The following ANKS1B variants were observed in gnomAD, a reference collection of about 807,000 sequenced individuals.
ANKS1B encodes the protein ankyrin repeat and sterile alpha motif domain-containing protein 1B.
ANKS1B carries 36 observed loss-of-function variants against 148.3 expected under a neutral mutation model. The observed-to-expected ratio is 0.24, with a 90% CI of 0.19 to 0.32. ANKS1B has a LOEUF of 0.32. Ranked by LOEUF, ANKS1B falls within the 10% of genes least tolerant of loss-of-function variation. ANKS1B has a pLI of 1.00. For missense variants in ANKS1B, 1,157 were observed against 1,542.6 expected, an observed-to-expected ratio of 0.75 and a Z score of 4.19; for synonymous variants, 542 against 560.8, an observed-to-expected ratio of 0.97 and a Z score of 0.47.
chr12:99,468,671 C>CA (rs2096180515), intron 10 of ANKS1B, among the ~76,000 whole-genome samples: 1 of 151,994 alleles, frequency 6.6e-6, no homozygotes, highest in African/African-American at 2.4e-5. Flanking sequence ...TTTATGCAGC[C>CA]AAAAAACACA....
At chr12:99,180,008 C>G (rs1418164868) in intron 14 of ANKS1B, among the ~76,000 whole-genome samples, 1 of 151,884 alleles carries the variant, frequency 6.6e-6, no homozygotes, top group African/African-American at 2.4e-5. Context: ...AGAATGCTTC[C>G]TTCTATTTAT....
chr12:99,525,344 A>G (rs1320424283), intron 9 of ANKS1B, among the ~76,000 whole-genome samples: 1 of 152,184 alleles, frequency 6.6e-6, no homozygotes, highest in African/African-American at 2.4e-5. Flanking sequence ...GTTTCCCTCC[A>G]ACTCCAACTT....
chr12:98,867,656 C>A (rs2099631672), intron 17 of ANKS1B, among the ~76,000 whole-genome samples: 1 of 151,842 alleles, frequency 6.6e-6, no homozygotes, highest in Non-Finnish European at 1.5e-5. Flanking sequence ...ATCAGGAGAT[C>A]AAGACCATCC....
intron 14 of ANKS1B, among the ~76,000 whole-genome samples, chr12:99,166,811 C>A (rs912933879): frequency 1.3e-5 from 2 of 151,902 alleles, no homozygotes; most frequent in Non-Finnish European, 2.9e-5. Context: ...ACCAAAACAA[C>A]TTCGAAAAAA....
At chr12:99,065,453 A>G (rs2043806952) in intron 16 of ANKS1B, among the ~76,000 whole-genome samples, 1 of 152,252 alleles carries the variant, frequency 6.6e-6, no homozygotes, top group South Asian at 2.1e-4. Context: ...AACCAGAATT[A>G]GCAGTACACA....
chr12:99,552,916 C>A (rs2097236297), intron 9 of ANKS1B, among the ~76,000 whole-genome samples: 1 of 152,132 alleles, frequency 6.6e-6, no homozygotes, highest in African/African-American at 2.4e-5. Flanking sequence ...AGAAAAAAGT[C>A]TGTACATGTT....
intron 14 of ANKS1B, among the ~76,000 whole-genome samples, chr12:99,220,675 C>T (rs1039331223): frequency 2.6e-5 from 4 of 151,874 alleles, no homozygotes; most frequent in African/African-American, 7.2e-5. Context: ...TCTGGATCTC[C>T]TGACCTTGTG....
chr12:99,966,214 T>A (rs1377409838), intron 1 of ANKS1B, among the ~76,000 whole-genome samples: 2 of 152,174 alleles, frequency 1.3e-5, no homozygotes, highest in African/African-American at 4.8e-5. Flanking sequence ...CAAAGTTAAT[T>A]TTCTTATTTT....
At chr12:99,736,951 C>T (rs966665488) in intron 8 of ANKS1B, among the ~76,000 whole-genome samples, 1 of 152,056 alleles carries the variant, frequency 6.6e-6, no homozygotes, top group Non-Finnish European at 1.5e-5. Context: ...ATGTCAACAT[C>T]ACTAATCATC....
chr12:99,265,802 A>G (rs1483315388), intron 12 of ANKS1B, among the ~76,000 whole-genome samples: 1 of 152,028 alleles, frequency 6.6e-6, no homozygotes, highest in Non-Finnish European at 1.5e-5. Context: ...GCCCCCATGT[A>G]TTTCTTTACT....
chr12:98,958,692 T>C (rs991464808), intron 17 of ANKS1B, among the ~76,000 whole-genome samples: 9 of 152,238 alleles, frequency 5.9e-5, no homozygotes, highest in Non-Finnish European at 1.3e-4. Flanking sequence ...ATCATTTGAA[T>C]ATATTAATAA....
chr12:99,111,537 T>C (rs191946510), intron 15 of ANKS1B, among the ~76,000 whole-genome samples: 179 of 149,602 alleles, frequency 1.2e-3, no homozygotes, highest in African/African-American at 4.2e-3. Context: ...TTTAAGGTGT[T>C]TTTTTTTTTC....
chr12:99,224,408 C>T (rs2085562780), intron 14 of ANKS1B, among the ~76,000 whole-genome samples: 1 of 152,120 alleles, frequency 6.6e-6, no homozygotes, highest in Admixed American at 6.5e-5. Context: ...GGTGGTCCTT[C>T]ATGAATGGTA....
intron 11 of ANKS1B, among the ~76,000 whole-genome samples, chr12:99,414,684 G>A (rs1481877285): frequency 6.6e-6 from 1 of 152,196 alleles, no homozygotes; most frequent in Non-Finnish European, 1.5e-5. Flanking sequence ...CCTGTCCAGG[G>A]GGTGAGGGGT....
chr12:99,629,166 AC>A (rs2098135572), intron 9 of ANKS1B, among the ~76,000 whole-genome samples: 1 of 152,128 alleles, frequency 6.6e-6, no homozygotes, highest in Non-Finnish European at 1.5e-5. Context: ...TTACCATCTA[AC>A]CTTTTACAGA....
chr12:99,758,429 G>A (rs1308711960), intron 8 of ANKS1B, among the ~76,000 whole-genome samples: 9 of 151,940 alleles, frequency 5.9e-5, no homozygotes, highest in East Asian at 1.9e-4. Context: ...GCTACCATTC[G>A]TTTAGTGTGT....
At chr12:99,458,571 C>A (rs762399670) in intron 10 of ANKS1B, among the ~76,000 whole-genome samples, 15 of 151,392 alleles carry the variant, frequency 9.9e-5, no homozygotes, top group Non-Finnish European at 2.1e-4. Context: ...AGAAATGAAA[C>A]AGGAGATATT....
chr12:99,068,225 T>C (rs997066972), intron 16 of ANKS1B, among the ~76,000 whole-genome samples: 1 of 152,164 alleles, frequency 6.6e-6, no homozygotes, highest in Non-Finnish European at 1.5e-5. Flanking sequence ...GCAAATAAAG[T>C]TCTGTGTCAC....
At chr12:99,643,871 C>G (rs1194379512) in intron 9 of ANKS1B, among the ~76,000 whole-genome samples, 5 of 152,164 alleles carry the variant, frequency 3.3e-5, no homozygotes, top group Non-Finnish European at 7.3e-5. Flanking sequence ...AGTTTTTGAT[C>G]CTCCTGAGGC....
Sources: gnomAD v4.1 joint callset for allele counts (sites outside exome capture counted in the v4.1 genomes callset) on GRCh38, gnomAD v4.1.1 for gene constraint, MANE v1.5 for transcripts, NCBI Gene and HGNC (gene_info 2026-07-23, HGNC 2026-07-21) for gene names.